Variants in PRKCD observed in about 807,000 individuals in gnomAD.
PRKCD encodes protein kinase C delta type.
PRKCD carries 20 observed loss-of-function variants against 82.2 expected under a neutral mutation model. That is an observed-to-expected ratio of 0.24 (90% CI 0.17 to 0.35). The LOEUF (loss-of-function observed/expected upper bound fraction) is 0.35, where lower values mean the gene tolerates loss of function less well. Ranked by LOEUF, PRKCD falls within the 10% of genes least tolerant of loss-of-function variation. PRKCD has a pLI of 1.00. For synonymous variants in PRKCD, 317 were observed against 337.0 expected (o/e 0.94, Z 0.65); for missense variants, 607 against 899.0 (o/e 0.68, Z 4.15).
At chr3:53,163,480 G>A (rs782773205) in intron 1 of PRKCD, among the ~76,000 whole-genome samples, 27 of 152,056 alleles carry the variant, frequency 1.8e-4, no homozygotes, top group Admixed American at 9.2e-4. Context: ...CCAAGACCTC[G>A]GGCTCTGTAC....
intron 14 of PRKCD, among the ~76,000 whole-genome samples, chr3:53,187,033 T>C (rs1703726151): frequency 6.6e-6 from 1 of 152,188 alleles, no homozygotes; most frequent in Non-Finnish European, 1.5e-5. Flanking sequence ...CCCATTCACA[T>C]GCCCCTTACC....
At chr3:53,185,184 G>A (rs1703626880) in intron 10 of PRKCD, among the ~76,000 whole-genome samples, 2 of 152,200 alleles carry the variant, frequency 1.3e-5, no homozygotes, top group South Asian at 2.1e-4. Flanking sequence ...CTTTACTTGA[G>A]GGTGAACCTG....
chr3:53,188,578 T>A, intron 15 of PRKCD, 142 bp from the exon 16 acceptor site: 1 of 1,134,454 alleles, frequency 8.8e-7, no homozygotes, highest in African/African-American at 1.5e-5. Flanking sequence ...TCTTTCTCCT[T>A]CTGCTTCCTT....
At position 53,185,940 on chromosome 3, in the gene PRKCD, C is replaced by A; in HGVS notation, c.999C>A (p.Thr333=). Residue 333 remains threonine, a synonymous_variant, in exon 12 of 19, where the codon ACC becomes ACA. Coordinates refer to ENST00000330452, the MANE Select transcript of PRKCD (RefSeq NM_006254.4). The part of the protein sequence containing the change: ...AGEDMQDNSG[T]YGKIWEGSSK... ...TCTCTCGGGCAGACAACAGTGGGAC[C>A]TACGGCAAGATCTGGGAGGGCAGCA... 1 of 1,614,196 alleles carries A rather than the reference C, an allele frequency of 6.2e-7. No individual in the cohort carries two copies. Among genetic ancestry groups the A allele is most frequent in the Non-Finnish European group, 8.5e-7 (1 of 1,180,030 alleles).
Position 53,186,263 on chromosome 3 carries a change from A to C in PRKCD, c.1183A>C (p.Met395Leu). The C allele has an allele frequency of 6.2e-7, 1 of 1,614,158 alleles. No individual in the cohort carries two copies. Among genetic ancestry groups the C allele is most frequent in the Non-Finnish European group, 8.5e-7 (1 of 1,180,000 alleles). The part of the protein sequence containing the change: ...VLIDDDVECT[M>L]VEKRVLTLAA... ...GATCGACGACGACGTGGAGTGCACCATGGTTGAGAAGCGGGTGCTGACACT... is the reference window on the plus strand; with the variant it reads ...GATCGACGACGACGTGGAGTGCACCCTGGTTGAGAAGCGGGTGCTGACACT... Residue 395 changes from methionine (M) to leucine (L), a missense_variant, in exon 13 of 19, where the codon ATG becomes CTG. By Grantham distance (15) the Met-to-Leu change is conservative. Coordinates refer to ENST00000330452, the MANE Select transcript of PRKCD (RefSeq NM_006254.4).
chr3:53,162,212 G>T (rs1343984681), intron 1 of PRKCD, among the ~76,000 whole-genome samples: 1 of 149,484 alleles, frequency 6.7e-6, no homozygotes, highest in Non-Finnish European at 1.5e-5. Flanking sequence ...GTCTGTACTC[G>T]CCCCCAACCC....
intron 10 of PRKCD, among the ~76,000 whole-genome samples, chr3:53,185,214 T>C (rs1703627993): frequency 6.6e-6 from 1 of 152,188 alleles, no homozygotes; most frequent in African/African-American, 2.4e-5. Flanking sequence ...GGAGTGGGTG[T>C]TGGAACACTT....
chr3:53,170,422 A>C (rs528159397), intron 2 of PRKCD, among the ~76,000 whole-genome samples: 1 of 152,244 alleles, frequency 6.6e-6, no homozygotes, highest in South Asian at 2.1e-4. Context: ...CCCTACCAAC[A>C]TAGGTTCAAG....
intron 1 of PRKCD, among the ~76,000 whole-genome samples, chr3:53,164,888 T>A (rs1553663592): frequency 6.6e-6 from 1 of 152,136 alleles, no homozygotes; most frequent in East Asian, 1.9e-4. Context: ...GGACACAGTG[T>A]TCCAGCCCCT....
chr3:53,188,816 G>T lies in PRKCD; in HGVS notation c.1512G>T (p.Arg504=). 1 of 1,614,144 alleles carries T rather than the reference G, an allele frequency of 6.2e-7. No individual in the cohort carries two copies. The highest frequency in any genetic ancestry group is 8.5e-7 in the Non-Finnish European group (1 of 1,180,032). ...MCKENIFGES[R]ASTFCGTPDY... is the part of the protein sequence containing the mutation. ...AAGAGAACATATTCGGGGAGAGCCG[G>T]GCCAGCACCTTCTGCGGCACCCCTG... The change falls in exon 16 of 19, where the codon CGG becomes CGT. Residue 504 remains arginine, a synonymous_variant. Coordinates refer to ENST00000330452, the MANE Select transcript of PRKCD (RefSeq NM_006254.4).
Position 53,183,092 on chromosome 3 carries a change from TC to T in PRKCD, c.572-24del, listed in dbSNP as rs538181995. The T allele has an allele frequency of 4.2e-5, 68 of 1,611,130 alleles. No homozygotes were observed. The African/African-American group carries it at 5.5e-4, about 13-fold the overall frequency. ...CTCTGCCCCTCCCGGTGCTTTCCCT[TC>T]CCCCTCCTGGGCCTGTGCCTCTTCA... On this transcript the variant is annotated intron_variant, in intron 7 of 18. Transcript: ENST00000330452.
chr3:53,188,884 C>T (rs200237200), intron 16 of PRKCD, 26 bp downstream of exon 16: 32 of 1,612,532 alleles, frequency 2.0e-5, no homozygotes, highest in Admixed American at 1.2e-4. Context: ...TCCAGCCCCC[C>T]GCTCAGTCAG....
intron 17 of PRKCD, 41 bp downstream of exon 17, chr3:53,189,287 T>C: frequency 6.5e-7 from 1 of 1,533,252 alleles, no homozygotes; most frequent in African/African-American, 1.4e-5. Context: ...TGGGCTGGGC[T>C]GGGGCAGGGG....
chr3:53,184,966 G>C lies in PRKCD; in HGVS notation c.880G>C (p.Val294Leu), dbSNP rs782446907. Residue 294 changes from valine (V) to leucine (L), a missense_variant, in exon 10 of 19, where the codon GTC becomes CTC. Transcript: ENST00000330452. ...QKLLAEALNQ[V>L]TQRASRRSDS... ...GCTTTTGGCTGAGGCCTTGAACCAA[G>C]TCACCCAGGTGGGCAGGTGCCATGG... 12 of 1,613,882 alleles carry C rather than the reference G, an allele frequency of 7.4e-6. No individual in the cohort carries two copies. The highest frequency in any genetic ancestry group is 9.3e-6 in the Non-Finnish European group (11 of 1,179,910).
chr3:53,171,102 G>A (rs1415540894), intron 2 of PRKCD, among the ~76,000 whole-genome samples: 1 of 152,144 alleles, frequency 6.6e-6, no homozygotes, highest in African/African-American at 2.4e-5. Flanking sequence ...GTGGTTATTC[G>A]TGGAGAGGCC....
In PRKCD at chr3:53,169,669, C is replaced by A. The variant is rs576969512; in HGVS notation, c.-20+4454C>A. Among the ~76,000 whole-genome samples the A allele has an allele frequency of 1.3e-5, 2 of 152,130 alleles. No homozygotes were observed. Among genetic ancestry groups the A allele is most frequent in the African/African-American group, 4.8e-5 (2 of 41,416 alleles). On this transcript the variant is annotated intron_variant, in intron 2 of 18. Transcript: ENST00000330452. This position sits in a 1 kb window ranked among gnomAD's most constrained non-coding sequence, Gnocchi z 4.7. ...AGGGCTGGAGAAAGCTTAGAGGTCTCCATTGTTGAGACAGGGAGGCTGGAG... is the reference window on the plus strand; with the variant it reads ...AGGGCTGGAGAAAGCTTAGAGGTCTACATTGTTGAGACAGGGAGGCTGGAG...
chr3:53,183,347 G>T, intron 8 of PRKCD, 105 bp from the exon 9 acceptor site: 1 of 1,577,996 alleles, frequency 6.3e-7, no homozygotes, highest in South Asian at 1.2e-5. Context: ...TCCCAGTGGA[G>T]CTCTCTTGGG....
At chr3:53,181,096 G>C in intron 4 of PRKCD, 111 bp from the exon 5 acceptor site, 1 of 1,195,182 alleles carries the variant, frequency 8.4e-7, no homozygotes, top group Non-Finnish European at 1.2e-6. Flanking sequence ...GCTAGGCCTT[G>C]GGGGGCTGCC....
At chr3:53,186,079 C>A (rs781898358) in intron 12 of PRKCD, 52 bp downstream of exon 12, 2 of 1,610,710 alleles carry the variant, frequency 1.2e-6, no homozygotes, top group Non-Finnish European at 1.7e-6. Flanking sequence ...GGCTTCTTCC[C>A]GCTTAGGTGG....
Sources: allele counts gnomAD v4.1 joint callset (sites outside exome capture counted in the v4.1 genomes callset), GRCh38; gene constraint gnomAD v4.1.1; non-coding constraint Gnocchi (gnomAD v3.1); transcripts MANE v1.5; gene names NCBI Gene and HGNC (gene_info 2026-07-23, HGNC 2026-07-21).